PDZD2: variants seen among roughly 807,000 people sequenced by gnomAD.
PDZD2 encodes the protein PDZ domain-containing protein 2.
In PDZD2, 90 loss-of-function variants were observed where a neutral mutation model predicts 220.7. That is an observed-to-expected ratio of 0.41 (90% CI 0.34 to 0.49). The LOEUF is 0.49. PDZD2 is among the 20% of genes least tolerant of loss of function. The pLI, the probability that PDZD2 is intolerant of heterozygous loss-of-function variation, is 0.28. For synonymous variants in PDZD2, 1,375 were observed against 1,450.5 expected, an observed-to-expected ratio of 0.95 and a Z score of 1.18; for missense variants, 3,174 against 3,608.5, an observed-to-expected ratio of 0.88 and a Z score of 3.08.
At chr5:31,779,106 C>T (rs1580739197) in intron 1 of PDZD2, among the ~76,000 whole-genome samples, 1 of 152,110 alleles carries the variant, frequency 6.6e-6, no homozygotes, top group Non-Finnish European at 1.5e-5. Flanking sequence ...ACCTATGTGA[C>T]AGAAGTCAAA....
intron 1 of PDZD2, among the ~76,000 whole-genome samples, chr5:31,728,306 C>G (rs919545751): frequency 6.6e-6 from 1 of 152,052 alleles, no homozygotes. Flanking sequence ...AGCAAAATCA[C>G]ACACACACCC....
chr5:31,649,937 CAAAAA>C (rs6148975), intron 1 of PDZD2, among the ~76,000 whole-genome samples: 3 of 73,514 alleles, frequency 4.1e-5, no homozygotes, highest in African/African-American at 1.1e-4. Context: ...GACTCCGTCT[CAAAAA>C]AAAAAAAAAA....
intron 1 of PDZD2, among the ~76,000 whole-genome samples, chr5:31,679,104 C>G (rs2150122175): frequency 6.6e-6 from 1 of 152,334 alleles, no homozygotes; most frequent in Middle Eastern, 3.4e-3. Flanking sequence ...CAGAGCCCCC[C>G]TCCACTGAAC....
intron 2 of PDZD2, among the ~76,000 whole-genome samples, chr5:31,844,264 G>C (rs1279297221): frequency 6.6e-6 from 1 of 152,160 alleles, no homozygotes; most frequent in Admixed American, 6.5e-5. Context: ...GATGCAAAAA[G>C]AATGATCATG....
At chr5:32,029,316 G>T (rs1754939540) in intron 6 of PDZD2, among the ~76,000 whole-genome samples, 1 of 91,708 alleles carries the variant, frequency 1.1e-5, no homozygotes, top group African/African-American at 3.9e-5. Flanking sequence ...GCCAAAGGTA[G>T]TATCAAGAAC....
intron 7 of PDZD2, among the ~76,000 whole-genome samples, chr5:32,041,832 A>G (rs111570193): frequency 0.021 from 2,983 of 145,218 alleles, 105 homozygotes; most frequent in African/African-American, 0.07. Flanking sequence ...ACCCAAGAAT[A>G]ATCAATAAAT....
At chr5:32,077,017 A>T (rs753050186) in intron 18 of PDZD2, among the ~76,000 whole-genome samples, 7 of 152,258 alleles carry the variant, frequency 4.6e-5, no homozygotes, top group Non-Finnish European at 7.3e-5. Flanking sequence ...AGTAATGGAC[A>T]CTTAGCCAAA....
At chr5:31,642,645 A>G (rs548587923) in intron 1 of PDZD2, among the ~76,000 whole-genome samples, 2 of 152,314 alleles carry the variant, frequency 1.3e-5, no homozygotes, top group South Asian at 4.1e-4. Flanking sequence ...ATGTTTGGTA[A>G]ACAAAAGAGA....
chr5:31,759,009 C>A (rs1278284696), intron 1 of PDZD2, among the ~76,000 whole-genome samples: 2 of 152,056 alleles, frequency 1.3e-5, no homozygotes, highest in African/African-American at 4.8e-5. Context: ...TCCAACAGGT[C>A]CTCACACTGG....
At chr5:31,699,781 G>T (rs1291222923) in intron 1 of PDZD2, among the ~76,000 whole-genome samples, 10 of 142,118 alleles carry the variant, frequency 7.0e-5, no homozygotes, top group East Asian at 4.2e-4. Flanking sequence ...TTTTTTGTTT[G>T]TTTTTTTTTT....
At chr5:31,884,205 T>TC (rs1740207443) in intron 2 of PDZD2, among the ~76,000 whole-genome samples, 1 of 140,022 alleles carries the variant, frequency 7.1e-6, no homozygotes, top group Non-Finnish European at 1.5e-5. Flanking sequence ...AGAGCGAGAC[T>TC]CCATCTCAAA....
In PDZD2 at chr5:32,057,965, A is replaced by G. The variant is rs201167069; in HGVS notation, c.2062A>G (p.Ser688Gly). The G allele has an allele frequency of 1.5e-4, 244 of 1,613,770 alleles. 3 individuals carry two copies. The highest frequency in any genetic ancestry group is 2.9e-5 in the Non-Finnish European group (34 of 1,179,884). Residue 688 changes from serine (S) to glycine (G), a missense_variant, in exon 12 of 25, where the codon AGC becomes GGC. Ser to Gly is a moderately conservative substitution (Grantham distance 56). This residue lies in a region of PDZD2 where 1,861 missense variants were observed against 2,001.0 expected (regional missense o/e 0.93). Transcript: ENST00000438447. ...LTPCSTPTHM[S>G]RSASPNFNTS... ...ACCCTGCTCGACACCCACACACATGAGCAGATCCGCCTCCCCGAACTTCAA... is the reference window on the plus strand; with the variant it reads ...ACCCTGCTCGACACCCACACACATGGGCAGATCCGCCTCCCCGAACTTCAA...
At position 32,077,666 on chromosome 5, in the gene PDZD2, C is replaced by T. The variant is rs773695994; in HGVS notation, c.3682+60C>T. On this transcript the variant is annotated intron_variant, in intron 19 of 24. Transcript: ENST00000438447. ...AGGTGGGGAGATACCCTAATGAAAG[C>T]ATTATACAGGCCAGGCGCAGTGGCT... 5 of 1,555,736 alleles carry T rather than the reference C, an allele frequency of 3.2e-6. No individual in the cohort carries two copies. The Admixed American group carries it at 8.5e-5, about 26-fold the overall frequency.
At chr5:32,068,990 G>A (rs766824125) in intron 14 of PDZD2, among the ~76,000 whole-genome samples, 14 of 152,208 alleles carry the variant, frequency 9.2e-5, no homozygotes, top group African/African-American at 1.4e-4. Context: ...GAATTAGGCC[G>A]GACGCGGTGG....
intron 2 of PDZD2, among the ~76,000 whole-genome samples, chr5:31,815,792 A>G (rs73060325): frequency 0.014 from 2,202 of 152,302 alleles, 50 homozygotes; most frequent in African/African-American, 0.05. Context: ...AACCCTGAAA[A>G]TTTTGTAAAA....
chr5:32,097,371 A>G lies in PDZD2; in HGVS notation c.7938A>G (p.Lys2646=), dbSNP rs759673368. The change falls in exon 22 of 25, where the codon AAA becomes AAG. Residue 2646 remains lysine (K), a synonymous_variant. Coordinates refer to ENST00000438447, the MANE Select transcript of PDZD2 (RefSeq NM_178140.4). ...CAGGAGGGACAGATGTGGAGCCAAAATCAATCACGGTAAGTGACAGAGTCA... is the reference window on the plus strand; with the variant it reads ...CAGGAGGGACAGATGTGGAGCCAAAGTCAATCACGGTAAGTGACAGAGTCA... ...SVAGGTDVEP[K]SITVHRVFSQ... 1.9e-6 allele frequency: 3 copies of G among 1,601,284 alleles called. No homozygotes were observed. The highest frequency in any genetic ancestry group is 2.2e-5 in the East Asian group (1 of 44,810).
At chr5:32,031,427 G>A (rs536108156) in intron 6 of PDZD2, among the ~76,000 whole-genome samples, 3 of 152,252 alleles carry the variant, frequency 2.0e-5, no homozygotes, top group East Asian at 1.9e-4. Context: ...GTTCTTGTGC[G>A]CAAACCTGAT....
intron 2 of PDZD2, among the ~76,000 whole-genome samples, chr5:31,810,365 CA>C (rs1374320476): frequency 3.4e-5 from 5 of 146,500 alleles, no homozygotes; most frequent in African/African-American, 1.3e-4. Flanking sequence ...CGGGTTCATG[CA>C]ATTCTCCTGC....
intron 12 of PDZD2, among the ~76,000 whole-genome samples, chr5:32,058,530 T>C (rs1480588281): frequency 6.6e-6 from 1 of 151,008 alleles, no homozygotes; most frequent in African/African-American, 2.4e-5. Flanking sequence ...AAAAATTAGC[T>C]GGGCGTGGTG....
Sources: allele counts gnomAD v4.1 joint callset (sites outside exome capture counted in the v4.1 genomes callset), GRCh38; gene constraint gnomAD v4.1.1; regional missense constraint gnomAD v4.1.1; transcripts MANE v1.5; gene names NCBI Gene and HGNC (gene_info 2026-07-23, HGNC 2026-07-21).